USP49: variants seen among roughly 807,000 people sequenced by gnomAD.
USP49 encodes the protein ubiquitin carboxyl-terminal hydrolase 49.
A neutral mutation model predicts 58.6 loss-of-function variants in USP49; 24 were observed. That is an observed-to-expected ratio of 0.41 (90% CI 0.30 to 0.58). The LOEUF (loss-of-function observed/expected upper bound fraction) is 0.58. USP49 is among the 20% of genes least tolerant of loss of function. The probability of loss-of-function intolerance (pLI) is 0.30; values close to 1 mark genes in which losing one functional copy is unlikely to be tolerated. For missense variants in USP49, 703 were observed against 866.1 expected, an observed-to-expected ratio of 0.81 and a Z score of 2.36; for synonymous variants, 408 against 365.1, an observed-to-expected ratio of 1.12 and a Z score of -1.34.
chr6:41,874,393 C>T (rs917245860), intron 2 of USP49, among the ~76,000 whole-genome samples: 1 of 152,124 alleles, frequency 6.6e-6, no homozygotes, highest in Non-Finnish European at 1.5e-5. Context: ...ATTCTTGAAA[C>T]CTTACCCAAT....
In USP49 at chr6:41,795,572, A is replaced by T. The variant is rs1393833641; in HGVS notation, c.*961T>A. ...ATGTTCTAGCTCTCCAGGAGCAAGA[A>T]AGAAGCTGCAGGCTAAGAAGCTGCA... On this transcript the variant is annotated 3_prime_UTR_variant, in exon 8 of 8. Coordinates refer to ENST00000682992, the MANE Select transcript of USP49 (RefSeq NM_001286554.2). 1 of 152,258 alleles carries T rather than the reference A, an allele frequency of 6.6e-6. No individual in the cohort carries two copies. The highest frequency in any genetic ancestry group is 1.5e-5 in the Non-Finnish European group (1 of 68,062). 9.4% of individuals were successfully genotyped at this position (152,258 alleles called of 1,614,324 possible).
chr6:41,892,537 T>C (rs1287209308), intron 1 of USP49, among the ~76,000 whole-genome samples: 1 of 152,204 alleles, frequency 6.6e-6, no homozygotes, highest in Non-Finnish European at 1.5e-5. Flanking sequence ...AACACTTGCT[T>C]AATACAATCC....
At chr6:41,829,100 G>C (rs1417770206) in intron 3 of USP49, among the ~76,000 whole-genome samples, 1 of 151,984 alleles carries the variant, frequency 6.6e-6, no homozygotes, top group Non-Finnish European at 1.5e-5. Flanking sequence ...CTTTAAAAAA[G>C]TATACATTTA....
rs1233291007 is a variant in USP49, at chr6:41,794,622, G to A, written c.*1911C>T. On this transcript the variant is annotated 3_prime_UTR_variant, in exon 8 of 8. Coordinates refer to ENST00000682992, the MANE Select transcript of USP49 (RefSeq NM_001286554.2). Reference sequence around the variant, plus strand: ...GCCGACTTAAAAACGTGGATCTTGAGAGTACAGCTTCACATCAGAGCCTCT... The same window carrying A: ...GCCGACTTAAAAACGTGGATCTTGAAAGTACAGCTTCACATCAGAGCCTCT... 2 of 152,148 alleles carry A rather than the reference G, an allele frequency of 1.3e-5. No individual in the cohort carries two copies. Among genetic ancestry groups the A allele is most frequent in the Non-Finnish European group, 2.9e-5 (2 of 68,036 alleles). 9.4% of individuals were successfully genotyped at this position (152,148 alleles called of 1,614,324 possible).
intron 3 of USP49, among the ~76,000 whole-genome samples, chr6:41,808,707 G>C (rs2127325612): frequency 6.6e-6 from 1 of 152,198 alleles, no homozygotes; most frequent in Admixed American, 6.5e-5. Context: ...AACACGCCAG[G>C]CTGCTATACA....
intron 3 of USP49, among the ~76,000 whole-genome samples, chr6:41,863,939 T>C (rs1256526873): frequency 1.3e-5 from 2 of 151,450 alleles, no homozygotes; most frequent in East Asian, 3.9e-4. Context: ...TGTAATTTTT[T>C]TTTTTTTTTT....
intron 3 of USP49, among the ~76,000 whole-genome samples, chr6:41,821,801 A>C (rs1773457593): frequency 6.6e-6 from 1 of 152,156 alleles, no homozygotes. Context: ...GACGGAAAGC[A>C]GCTCATCCTA....
chr6:41,815,506 G>C (rs1309273437), intron 3 of USP49, among the ~76,000 whole-genome samples: 1 of 152,114 alleles, frequency 6.6e-6, no homozygotes, highest in Non-Finnish European at 1.5e-5. Context: ...GGGACAGTGG[G>C]TGGGAGAAGA....
intron 2 of USP49, among the ~76,000 whole-genome samples, chr6:41,884,427 G>A (rs1774672366): frequency 1.3e-5 from 2 of 152,202 alleles, no homozygotes; most frequent in Admixed American, 1.3e-4. Context: ...TTCTACAACA[G>A]TGTGGTATAA....
At chr6:41,846,777 C>CA (rs1554146122) in intron 3 of USP49, among the ~76,000 whole-genome samples, 2 of 152,158 alleles carry the variant, frequency 1.3e-5, no homozygotes, top group African/African-American at 2.4e-5. Context: ...AAACCCCCCC[C>CA]ATACTGGGTC....
chr6:41,841,634 A>G lies in USP49; in HGVS notation c.-29+29930T>C, dbSNP rs190199344. On this transcript the variant is annotated intron_variant, in intron 3 of 7. Coordinates refer to ENST00000682992, the MANE Select transcript of USP49 (RefSeq NM_001286554.2). Reference sequence around the variant, plus strand: ...GTTCATTTTTTATTGTAAGCAGGGTAGCTGTAGCATGTTACTTGTATCATC... The same window carrying G: ...GTTCATTTTTTATTGTAAGCAGGGTGGCTGTAGCATGTTACTTGTATCATC... Among the ~76,000 whole-genome samples, 722 of 152,322 alleles carry G rather than the reference A, an allele frequency of 4.7e-3. 5 individuals are homozygous for G. Among genetic ancestry groups the G allele is most frequent in the African/African-American group, 0.016 (679 of 41,570 alleles).
At chr6:41,797,014 T>A (rs1048044102) in intron 7 of USP49, among the ~76,000 whole-genome samples, 2 of 146,452 alleles carry the variant, frequency 1.4e-5, no homozygotes, top group African/African-American at 2.5e-5. Context: ...CAGTGGTGGG[T>A]TCTCGGCTCA....
rs984575621 is a variant in USP49 at position 41,840,041 on chromosome 6, T to C, written c.-29+31523A>G. ...CTGTAGTTTGTCTCAGCAAATACCA[T>C]AATGTAAATATCAGTATAATGAATT... is the stretch of plus-strand genomic sequence containing the variant. On this transcript the variant is annotated intron_variant, in intron 3 of 7. Transcript: ENST00000682992. Among the ~76,000 whole-genome samples, 3 of 151,992 alleles carry C rather than the reference T, an allele frequency of 2.0e-5. No individual in the cohort carries two copies. In the East Asian group the frequency reaches 5.8e-4, roughly 29 times the overall value.
At chr6:41,809,934 G>A (rs927731093) in intron 3 of USP49, among the ~76,000 whole-genome samples, 10 of 148,680 alleles carry the variant, frequency 6.7e-5, no homozygotes, top group South Asian at 2.2e-4. Flanking sequence ...GGCAGATCAC[G>A]AGGTCAGAGG....
intron 2 of USP49, among the ~76,000 whole-genome samples, chr6:41,880,597 C>T (rs1460302837): frequency 6.6e-6 from 1 of 152,066 alleles, no homozygotes; most frequent in Non-Finnish European, 1.5e-5. Flanking sequence ...TAGAGTGATG[C>T]CTGATAAAGT....
At chr6:41,890,647 G>A (rs924531134) in intron 2 of USP49, among the ~76,000 whole-genome samples, 2 of 152,060 alleles carry the variant, frequency 1.3e-5, no homozygotes, top group African/African-American at 4.8e-5. Flanking sequence ...GCATTCGCCT[G>A]GGCAAAAGAG....
At chr6:41,845,531 A>C (rs1052382813) in intron 3 of USP49, among the ~76,000 whole-genome samples, 4 of 150,902 alleles carry the variant, frequency 2.7e-5, no homozygotes, top group African/African-American at 9.7e-5. Flanking sequence ...AAAAAAAAAA[A>C]GGTAAATAAG....
rs1773116286 is a variant in USP49 at position 41,806,073 on chromosome 6, G to GA, written c.910dup (p.Ser304PhefsTer17). On this transcript the variant is annotated frameshift_variant, in exon 4 of 8. Transcript: ENST00000682992. LOFTEE classifies it high-confidence loss of function. The surrounding 1 kb of genome is among the most constrained non-coding windows in gnomAD (Gnocchi z 5.9). ...GGCCGAGCTGTTGGTTGGCTTGCCA[G>GA]AAAGCTGAGTCTTCCCGTTGGTGGC... 1 of 1,613,962 alleles carries GA rather than the reference G, an allele frequency of 6.2e-7. No individual in the cohort carries two copies. Among genetic ancestry groups the GA allele is most frequent in the African/African-American group, 1.3e-5 (1 of 74,938 alleles).
At chr6:41,870,044 G>A (rs1292716410) in intron 3 of USP49, among the ~76,000 whole-genome samples, 1 of 152,142 alleles carries the variant, frequency 6.6e-6, no homozygotes, top group African/African-American at 2.4e-5. Context: ...TGCCACCATG[G>A]TTAACCGTAT....
Sources: allele counts gnomAD v4.1 joint callset (sites outside exome capture counted in the v4.1 genomes callset), GRCh38; gene constraint gnomAD v4.1.1; non-coding constraint Gnocchi (gnomAD v3.1); transcripts MANE v1.5; gene names NCBI Gene and HGNC (gene_info 2026-07-23, HGNC 2026-07-21).